Variants in RAPH1 observed in about 807,000 individuals in gnomAD.
RAPH1 encodes ras-associated and pleckstrin homology domains-containing protein 1.
Under a neutral mutation model 88.1 loss-of-function variants are expected in RAPH1, and 18 were observed. The ratio of observed to expected loss-of-function variants is 0.20; its 90% CI spans 0.14 to 0.30. The LOEUF (loss-of-function observed/expected upper bound fraction) is 0.30, where lower values mean the gene tolerates loss of function less well. Among genes scored for constraint, RAPH1 ranks in the 10% least tolerant of loss-of-function variants. RAPH1 has a pLI of 1.00. For synonymous variants in RAPH1, 587 were observed against 559.0 expected, an observed-to-expected ratio of 1.05 and a Z score of -0.71; for missense variants, 1,448 against 1,543.2, an observed-to-expected ratio of 0.94 and a Z score of 1.03.
rs2098496422 is a variant in RAPH1 at position 203,434,233 on chromosome 2, A to AT, written c.*5203dup. 1 of 152,592 alleles carries AT rather than the reference A, an allele frequency of 6.6e-6. No homozygotes were observed. The highest frequency in any genetic ancestry group is 1.5e-5 in the Non-Finnish European group (1 of 68,036). 9.5% of individuals were successfully genotyped at this position (152,592 alleles called of 1,614,324 possible). On this transcript the variant is annotated 3_prime_UTR_variant, in exon 14 of 14. Transcript: ENST00000319170. ...AATAATAATGTCCTCTACCTGGTACATTATAATGAAGTTCCTTGTCTTCTT... is the reference window on the plus strand; with the variant it reads ...AATAATAATGTCCTCTACCTGGTACATTTATAATGAAGTTCCTTGTCTTCTT...
intron 1 of RAPH1, among the ~76,000 whole-genome samples, chr2:203,529,005 A>ATTTTTTTTTTTTTTTTT (rs66832810): frequency 7.3e-5 from 3 of 41,154 alleles, no homozygotes; most frequent in African/African-American, 2.4e-4. Context: ...ATATATATAT[A>ATTTTTTTTTTTTTTTTT]TTTTTTTTTT....
chr2:203,454,115 G>A (rs778943116), intron 10 of RAPH1, among the ~76,000 whole-genome samples: 56 of 152,082 alleles, frequency 3.7e-4, no homozygotes, highest in Non-Finnish European at 4.4e-4. Context: ...ACCTACATTC[G>A]GCTCTGTTCT....
intron 1 of RAPH1, among the ~76,000 whole-genome samples, chr2:203,512,225 T>C (rs1439416919): frequency 1.3e-5 from 2 of 151,522 alleles, no homozygotes; most frequent in Non-Finnish European, 2.9e-5. Flanking sequence ...GGTCAGAAGT[T>C]GGAGCCCAGC....
In RAPH1 at chr2:203,440,385, G is replaced by A. The variant is rs762274974; in HGVS notation, c.2805C>T (p.Val935=). Residue 935 remains valine (V), a synonymous_variant, in exon 14 of 14, where the codon GTC becomes GTT. Transcript: ENST00000319170. ...LVFPPPPPSP[V]PAPPPPPPPT... is the part of the protein sequence containing the mutation. ...GTGGAGGTGGTGGTGGTGGGGCTGGGACAGGTGATGGGGGTGGAGGAGGAA... is the reference window on the plus strand; with the variant it reads ...GTGGAGGTGGTGGTGGTGGGGCTGGAACAGGTGATGGGGGTGGAGGAGGAA... 1.9e-6 allele frequency: 3 copies of A among 1,584,882 alleles called. No homozygotes were observed. Among genetic ancestry groups the A allele is most frequent in the Non-Finnish European group, 1.7e-6 (2 of 1,163,746 alleles).
intron 1 of RAPH1, among the ~76,000 whole-genome samples, chr2:203,524,409 C>T (rs947067633): frequency 2.6e-5 from 4 of 152,152 alleles, no homozygotes; most frequent in Admixed American, 6.5e-5. Flanking sequence ...TAACCCAACA[C>T]GTCCTCATAG....
At chr2:203,506,742 CTATATATATATA>C (rs71007523) in intron 1 of RAPH1, among the ~76,000 whole-genome samples, 35 of 110,844 alleles carry the variant, frequency 3.2e-4, no homozygotes, top group East Asian at 7.4e-4. Flanking sequence ...AGATATATAT[CTATATATATATA>C]TATCTATATA....
intron 4 of RAPH1, among the ~76,000 whole-genome samples, chr2:203,465,657 C>T (rs2098527902): frequency 6.6e-6 from 1 of 152,102 alleles, no homozygotes; most frequent in Non-Finnish European, 1.5e-5. Context: ...AGAGGCCAAG[C>T]GGGCAGATAA....
At chr2:203,459,059 C>T (rs558251227) in intron 7 of RAPH1, among the ~76,000 whole-genome samples, 7 of 152,002 alleles carry the variant, frequency 4.6e-5, no homozygotes, top group South Asian at 2.1e-4. Context: ...TTAGTAGAGA[C>T]GGGGTTTCAC....
rs961883350 is a variant in RAPH1, at chr2:203,455,570, C to T, written c.1169G>A (p.Cys390Tyr). The T allele has an allele frequency of 6.2e-6, 10 of 1,610,254 alleles. No homozygotes were observed. The highest frequency in any genetic ancestry group is 1.1e-5 in the South Asian group (1 of 90,148). Residue 390 changes from cysteine (C) to tyrosine (Y), a missense_variant, in exon 9 of 14, where the codon TGT (cysteine) becomes TAT (tyrosine). Around this residue, in one of 2 missense-constraint regions of RAPH1, gnomAD observed 513 missense variants for 653.1 expected, o/e 0.79. Transcript: ENST00000319170. ...TTCTGGTACAGTTACAGAACTTCCA[C>T]AAAAACATTCCTAAAATAACAAGAT... ...NKEVLLEECFCGSSVTVPEIE... is the reference protein window; with the variant it reads ...NKEVLLEECFYGSSVTVPEIE...
At chr2:203,482,596 T>C (rs1687778620) in intron 4 of RAPH1, among the ~76,000 whole-genome samples, 1 of 152,210 alleles carries the variant, frequency 6.6e-6, no homozygotes, top group Non-Finnish European at 1.5e-5. Context: ...ACTAATAGCT[T>C]TACAAAGTAT....
Position 203,461,316 on chromosome 2 carries a change from C to T in RAPH1, c.903G>A (p.Met301Ile). ...QTVRQVLDNL[M>I]DKSHCGYSLD... ...AACTATAACCGCAGTGGGATTTGTCCATCAGGTTATCCAGTACTTGTCTTA... is the reference window on the plus strand; with the variant it reads ...AACTATAACCGCAGTGGGATTTGTCTATCAGGTTATCCAGTACTTGTCTTA... Residue 301 changes from methionine to isoleucine, a missense_variant, in exon 6 of 14, where the codon ATG becomes ATA. Transcript: ENST00000319170. 6.2e-7 allele frequency: 1 copy of T among 1,609,016 alleles called. No individual in the cohort carries two copies. The highest frequency in any genetic ancestry group is 1.7e-4 in the Middle Eastern group (1 of 6,036).
In RAPH1 at chr2:203,436,093, G is replaced by C. The variant is rs1425936607; in HGVS notation, c.*3344C>G. The C allele has an allele frequency of 6.6e-6, 1 of 152,124 alleles. No individual in the cohort carries two copies. The highest frequency in any genetic ancestry group is 2.4e-5 in the African/African-American group (1 of 41,430). The allele number at this position is 152,124 out of a possible 1,614,324, so 9.4% of individuals were successfully genotyped here. ...AATTTAAATTTTCTTGATAAACTCA[G>C]CGTTGTTTGTTTTCAGTGACAAGAA... On this transcript the variant is annotated 3_prime_UTR_variant, in exon 14 of 14. Coordinates refer to ENST00000319170, the MANE Select transcript of RAPH1 (RefSeq NM_213589.3).
chr2:203,493,893 C>A (rs900740303), intron 2 of RAPH1, among the ~76,000 whole-genome samples: 3 of 148,178 alleles, frequency 2.0e-5, no homozygotes, highest in African/African-American at 5.0e-5. Context: ...ATTGCTTGAA[C>A]CCGGGAGGCG....
At chr2:203,495,458 T>C in intron 1 of RAPH1, 105 bp from the exon 2 acceptor site, 1 of 1,099,914 alleles carries the variant, frequency 9.1e-7, no homozygotes, top group Non-Finnish European at 1.3e-6. Flanking sequence ...TGAAGTCAAA[T>C]CTTCAAAACT....
intron 1 of RAPH1, among the ~76,000 whole-genome samples, chr2:203,508,609 T>TG (rs1484542562): frequency 3.3e-5 from 5 of 152,044 alleles, no homozygotes; most frequent in Non-Finnish European, 2.9e-5. Context: ...CATGTTTGGC[T>TG]GAAAAAAAAT....
chr2:203,513,424 G>A (rs1273325109), intron 1 of RAPH1, among the ~76,000 whole-genome samples: 3 of 122,364 alleles, frequency 2.5e-5, no homozygotes, highest in Non-Finnish European at 4.8e-5. Context: ...GTGTGATCTC[G>A]GCAGACTGCA....
At chr2:203,485,022 C>T (rs1437854416) in intron 4 of RAPH1, among the ~76,000 whole-genome samples, 1 of 152,188 alleles carries the variant, frequency 6.6e-6, no homozygotes, top group Non-Finnish European at 1.5e-5. Flanking sequence ...AAACTTCATG[C>T]TCCATGGGAA....
intron 4 of RAPH1, among the ~76,000 whole-genome samples, chr2:203,481,568 A>AATATATATATAT (rs60650703): frequency 2.2e-4 from 31 of 138,102 alleles, no homozygotes; most frequent in East Asian, 6.3e-4. Context: ...TAAATAGATG[A>AATATATATATAT]ATATATATAT....
Position 203,515,811 on chromosome 2 carries a change from T to C in RAPH1, c.-1+19300A>G, listed in dbSNP as rs187887482. ...CTTCAAAAGTGAAGGAGAAATACTT[T>C]CTCAGACAAACAATAGTTGGAGGAA... On this transcript the variant is annotated intron_variant, in intron 1 of 13. Transcript: ENST00000319170. Among the ~76,000 whole-genome samples, 7 of 152,300 alleles carry C rather than the reference T, an allele frequency of 4.6e-5. No homozygotes were observed. The East Asian group carries it at 1.3e-3, about 29-fold the overall frequency.
Sources: allele counts gnomAD v4.1 joint callset (sites outside exome capture counted in the v4.1 genomes callset), GRCh38; gene constraint gnomAD v4.1.1; regional missense constraint gnomAD v4.1.1; transcripts MANE v1.5; gene names NCBI Gene and HGNC (gene_info 2026-07-23, HGNC 2026-07-21).